The following CRACR2A variants were observed in gnomAD, a reference collection of about 807,000 sequenced individuals.
The protein encoded by CRACR2A is calcium release activated channel regulator 2A, also known as EF-hand calcium-binding domain-containing protein 4B.
In CRACR2A, 79 loss-of-function variants were observed where a neutral mutation model predicts 90.5. That is an observed-to-expected ratio of 0.87 (90% CI 0.73 to 1.05). The LOEUF is 1.05. Ranked by LOEUF, CRACR2A falls within the 50% of genes least tolerant of loss-of-function variation. The pLI, the probability that CRACR2A is intolerant of heterozygous loss-of-function variation, is 0.00. For synonymous variants in CRACR2A, 338 were observed against 356.7 expected, an observed-to-expected ratio of 0.95 and a Z score of 0.59; for missense variants, 823 against 897.2, an observed-to-expected ratio of 0.92 and a Z score of 1.06.
chr12:3,738,022 G>A (rs1178548898), intron 1 of CRACR2A, among the ~76,000 whole-genome samples: 1 of 152,228 alleles, frequency 6.6e-6, no homozygotes, highest in Non-Finnish European at 1.5e-5. Flanking sequence ...CCCATGGCGA[G>A]TGGCTTCTCA....
chr12:3,684,788 C>T (rs1182654340), intron 4 of CRACR2A, among the ~76,000 whole-genome samples: 1 of 152,230 alleles, frequency 6.6e-6, no homozygotes, highest in Non-Finnish European at 1.5e-5. Context: ...CATGCTTGCG[C>T]TTGTGCCCAG....
At chr12:3,663,211 T>A (rs1945071126) in intron 7 of CRACR2A, among the ~76,000 whole-genome samples, 1 of 151,974 alleles carries the variant, frequency 6.6e-6, no homozygotes. Context: ...AATTTACAAT[T>A]TTGGGTACCG....
chr12:3,666,354 T>TGTGTGTGTGTGC (rs372810487), intron 7 of CRACR2A, among the ~76,000 whole-genome samples: 135 of 145,048 alleles, frequency 9.3e-4, no homozygotes, highest in Non-Finnish European at 1.1e-3. Context: ...TGTGTGTGTG[T>TGTGTGTGTGTGC]GCGTGCGTGT....
In CRACR2A at chr12:3,726,179, T is replaced by C. The variant is rs938345426; in HGVS notation, c.-118+6763A>G. ...AGGAAATGTGATTAATATATATAAA[T>C]ACATACTATATGTATATTTTATATA... On this transcript the variant is annotated intron_variant, in intron 2 of 19. Transcript: ENST00000440314. 1.1e-4 allele frequency: 16 copies of C among 151,528 alleles called. No homozygotes were observed. The Admixed American group carries it at 1.1e-3, about 10-fold the overall frequency. The allele number at this position is 151,528 out of a possible 1,614,324, so 9.4% of individuals were successfully genotyped here. A position where few individuals can be genotyped will look rare whatever the true frequency, so the allele number is the denominator to read the frequency against.
intron 3 of CRACR2A, among the ~76,000 whole-genome samples, chr12:3,703,265 T>C (rs1216836191): frequency 6.6e-6 from 1 of 152,174 alleles, no homozygotes; most frequent in Non-Finnish European, 1.5e-5. Flanking sequence ...ATTTTTTATA[T>C]TTTTAGTAGA....
At chr12:3,690,526 GGTT>G (rs1418621994) in intron 4 of CRACR2A, among the ~76,000 whole-genome samples, 1 of 152,150 alleles carries the variant, frequency 6.6e-6, no homozygotes, top group African/African-American at 2.4e-5. Flanking sequence ...CTGACAGAGT[GGTT>G]GTTATGATTT....
chr12:3,636,401 C>T (rs1203442383), intron 14 of CRACR2A, among the ~76,000 whole-genome samples: 4 of 152,198 alleles, frequency 2.6e-5, no homozygotes, highest in Admixed American at 6.5e-5. Context: ...AGCAGGACCT[C>T]GTGGAGTGGG....
Position 3,651,505 on chromosome 12 carries a change from G to A in CRACR2A, c.1046+2707C>T, listed in dbSNP as rs146001907. Reference sequence around the variant, plus strand: ...AAATAAAAGTTAATTAAAAAACAGAGTTGCTGCTTCTCAGCTGACCTTCAT... The same window carrying A: ...AAATAAAAGTTAATTAAAAAACAGAATTGCTGCTTCTCAGCTGACCTTCAT... On this transcript the variant is annotated intron_variant, in intron 10 of 19. Coordinates refer to ENST00000440314, the MANE Select transcript of CRACR2A (RefSeq NM_001144958.2). Among the ~76,000 whole-genome samples the A allele has an allele frequency of 7.6e-4, 116 of 152,332 alleles. 1 individual carries two copies. The highest frequency in any genetic ancestry group is 2.7e-3 in the African/African-American group (114 of 41,570).
chr12:3,668,808 A>G (rs535098070), intron 7 of CRACR2A, among the ~76,000 whole-genome samples: 2 of 152,198 alleles, frequency 1.3e-5, no homozygotes, highest in African/African-American at 2.4e-5. Flanking sequence ...AAGTGGCTCA[A>G]TAGCAGCTGG....
intron 13 of CRACR2A, among the ~76,000 whole-genome samples, chr12:3,639,710 G>T (rs988025628): frequency 6.6e-6 from 1 of 152,174 alleles, no homozygotes; most frequent in African/African-American, 2.4e-5. Flanking sequence ...CTGCGATTCT[G>T]CAAGATAAAT....
chr12:3,713,717 A>G (rs1565498771), intron 2 of CRACR2A, among the ~76,000 whole-genome samples: 1 of 152,174 alleles, frequency 6.6e-6, no homozygotes, highest in African/African-American at 2.4e-5. Flanking sequence ...CTCACCTTTG[A>G]AGATAGCGAT....
intron 2 of CRACR2A, among the ~76,000 whole-genome samples, chr12:3,721,362 C>T (rs1301935569): frequency 4.4e-5 from 5 of 112,662 alleles, no homozygotes; most frequent in East Asian, 2.3e-4. Flanking sequence ...AGCAAGACCC[C>T]GTCTCTACAA....
chr12:3,654,434 G>A, intron 9 of CRACR2A, 35 bp from the exon 10 acceptor site: 1 of 1,547,542 alleles, frequency 6.5e-7, no homozygotes, highest in Non-Finnish European at 8.7e-7. Flanking sequence ...GGAATGAGGA[G>A]TGACCACCAT....
intron 17 of CRACR2A, among the ~76,000 whole-genome samples, chr12:3,621,714 G>C (rs1381015269): frequency 1.7e-5 from 2 of 116,154 alleles, no homozygotes; most frequent in African/African-American, 7.0e-5. Flanking sequence ...AAATAAAGGA[G>C]CTTAGAAGGA....
intron 4 of CRACR2A, among the ~76,000 whole-genome samples, chr12:3,685,790 T>C (rs967122591): frequency 6.6e-6 from 1 of 151,996 alleles, no homozygotes; most frequent in Non-Finnish European, 1.5e-5. Context: ...ATAAAAAGAG[T>C]TCTGGAGATA....
At chr12:3,688,726 T>A (rs1169348243) in intron 4 of CRACR2A, among the ~76,000 whole-genome samples, 1 of 152,220 alleles carries the variant, frequency 6.6e-6, no homozygotes, top group Non-Finnish European at 1.5e-5. Context: ...CTGTGAATAA[T>A]GTCCTTGGTA....
At chr12:3,723,446 G>A (rs1302208202) in intron 2 of CRACR2A, among the ~76,000 whole-genome samples, 1 of 152,142 alleles carries the variant, frequency 6.6e-6, no homozygotes, top group African/African-American at 2.4e-5. Flanking sequence ...GAGGTCAGTG[G>A]TGGGGGGTTT....
chr12:3,656,336 T>A lies in CRACR2A; in HGVS notation c.833A>T (p.Glu278Val), dbSNP rs1290467718. ...QKLLCKEQEL[E>V]QLTQKQKRLE... ...CCTTTTCTGCTTCTGGGTGAGCTGC[T>A]CCAGCTCCTGCTCCTTACATAACAG... The change falls in exon 9 of 20, where the codon GAG (glutamate) becomes GTG (valine). Residue 278 changes from glutamate to valine, a missense_variant. By Grantham distance (121) the Glu-to-Val change is moderately radical. Transcript: ENST00000440314. The A allele has an allele frequency of 1.9e-6, 3 of 1,613,988 alleles. No individual in the cohort carries two copies. The South Asian group carries it at 3.3e-5, about 18-fold the overall frequency.
At chr12:3,729,116 CACACCGAGCG>C (rs1946319421) in intron 2 of CRACR2A, 1 of 152,212 alleles carries the variant, frequency 6.6e-6, no homozygotes, top group East Asian at 1.9e-4. Context: ...GCTTGTCACT[CACACCGAGCG>C]CAGTGCCTGG....
Sources: allele counts gnomAD v4.1 joint callset (sites outside exome capture counted in the v4.1 genomes callset), GRCh38; gene constraint gnomAD v4.1.1; transcripts MANE v1.5; gene names NCBI Gene and HGNC (gene_info 2026-07-23, HGNC 2026-07-21).